TTYH1: variants seen among roughly 807,000 people sequenced by gnomAD.
The protein encoded by TTYH1 is protein tweety homolog 1.
TTYH1 carries 33 observed loss-of-function variants against 61.2 expected under a neutral mutation model. That is an observed-to-expected ratio of 0.54 (90% confidence interval 0.41 to 0.72). The LOEUF (loss-of-function observed/expected upper bound fraction) is 0.72. TTYH1 is among the 30% of genes least tolerant of loss of function. The probability of loss-of-function intolerance (pLI) is 0.00; values close to 1 mark genes in which losing one functional copy is unlikely to be tolerated. For synonymous variants in TTYH1, 308 were observed against 266.4 expected (o/e 1.16, Z -1.52); for missense variants, 538 against 575.8 (o/e 0.93, Z 0.67).
rs1407838261 is a variant in TTYH1 at position 54,436,519 on chromosome 19, G to C, written c.*229G>C. On this transcript the variant is annotated 3_prime_UTR_variant, in exon 14 of 14. Transcript: ENST00000376530. The surrounding 1 kb of genome is among the most constrained non-coding windows in gnomAD (Gnocchi z 4.3). Reference sequence around the variant, plus strand: ...ACTAGGGAGTAGGGCTGGCAGGGGAGGGGGCAGACAGCCTCGCCTCGCACC... The same window carrying C: ...ACTAGGGAGTAGGGCTGGCAGGGGACGGGGCAGACAGCCTCGCCTCGCACC... The C allele has an allele frequency of 2.3e-6, 2 of 853,878 alleles. No individual in the cohort carries two copies. The highest frequency in any genetic ancestry group is 1.7e-5 in the African/African-American group (1 of 60,204). 52.9% of individuals were successfully genotyped at this position (853,878 alleles called of 1,614,324 possible).
intron 10 of TTYH1, chr19:54,435,087 G>A (rs2083514009): frequency 6.0e-6 from 1 of 165,370 alleles, no homozygotes; most frequent in Non-Finnish European, 1.3e-5. Flanking sequence ...TGGGCGCTTG[G>A]TGCAGGGGAG....
In TTYH1 at chr19:54,415,960, C is replaced by T. The variant is rs574258816; in HGVS notation, c.126+282C>T. 2 of 1,155,818 alleles carry T rather than the reference C, an allele frequency of 1.7e-6. No homozygotes were observed. The highest frequency in any genetic ancestry group is 1.6e-5 in the African/African-American group (1 of 64,246). The allele number at this position is 1,155,818 out of a possible 1,614,324, so 71.6% of individuals were successfully genotyped here. A position where few individuals can be genotyped will look rare whatever the true frequency, so the allele number is the denominator to read the frequency against. ...AGAGGAGGGGAGGGGGGCCCGGATTCCCGGGTGTCTGATACCTGCCTGGGA... is the reference window on the plus strand; with the variant it reads ...AGAGGAGGGGAGGGGGGCCCGGATTTCCGGGTGTCTGATACCTGCCTGGGA... On this transcript the variant is annotated intron_variant, in intron 1 of 13. Transcript: ENST00000376530. The surrounding 1 kb of genome is among the most constrained non-coding windows in gnomAD (Gnocchi z 5.2).
intron 4 of TTYH1, 53 bp from the exon 5 acceptor site, chr19:54,426,620 C>T (rs1265458110): frequency 3.0e-5 from 43 of 1,456,944 alleles, no homozygotes; most frequent in East Asian, 1.1e-4. Flanking sequence ...GCTGTTCCGC[C>T]GGGGTGCCTG....
chr19:54,424,143 G>A (rs535099028), intron 4 of TTYH1, among the ~76,000 whole-genome samples: 22 of 151,814 alleles, frequency 1.4e-4, no homozygotes, highest in Non-Finnish European at 2.9e-4. Flanking sequence ...CCTGGGTGAC[G>A]GAGCGAGAAT....
chr19:54,415,736 C>G lies in TTYH1; in HGVS notation c.126+58C>G. 7.0e-7 allele frequency: 1 copy of G among 1,435,544 alleles called. No individual in the cohort carries two copies. The allele number at this position is 1,435,544 out of a possible 1,614,324, so 88.9% of individuals were successfully genotyped here. A position where few individuals can be genotyped will look rare whatever the true frequency, so the allele number is the denominator to read the frequency against. ...GCTGGGGGCCGGAGCTCCTGGGTCC[C>G]GAGGGAGAAGGGGGCTGGGTCACAG... On this transcript the variant is annotated intron_variant, in intron 1 of 13. Transcript: ENST00000376530. The surrounding 1 kb of genome is among the most constrained non-coding windows in gnomAD (Gnocchi z 5.2).
chr19:54,416,355 G>A lies in TTYH1; in HGVS notation c.126+677G>A. The A allele has an allele frequency of 3.9e-6, 1 of 258,248 alleles. No homozygotes were observed. Among genetic ancestry groups the A allele is most frequent in the South Asian group, 3.7e-5 (1 of 26,966 alleles). The allele number at this position is 258,248 out of a possible 1,614,324, so 16.0% of individuals were successfully genotyped here. Reference sequence around the variant, plus strand: ...AGACCCGGGTCCCGAGGGTGGGGCCGGTGTGGGAACCTCACAGAAGCCGGT... The same window carrying A: ...AGACCCGGGTCCCGAGGGTGGGGCCAGTGTGGGAACCTCACAGAAGCCGGT... On this transcript the variant is annotated intron_variant, in intron 1 of 13. Transcript: ENST00000376530. The surrounding 1 kb of genome is among the most constrained non-coding windows in gnomAD (Gnocchi z 7.0).
chr19:54,436,551 C>A lies in TTYH1; in HGVS notation c.*261C>A. The A allele has an allele frequency of 9.0e-6, 6 of 666,378 alleles. No homozygotes were observed. Among genetic ancestry groups the A allele is most frequent in the Non-Finnish European group, 1.6e-5 (6 of 382,034 alleles). The allele number at this position is 666,378 out of a possible 1,614,324, so 41.3% of individuals were successfully genotyped here. ...GACAGCCTCGCCTCGCACCCTTCAT[C>A]CCTGGCTGCCGGTCCCATCCTTGGA... On this transcript the variant is annotated 3_prime_UTR_variant, in exon 14 of 14. Coordinates refer to ENST00000376530, the MANE Select transcript of TTYH1 (RefSeq NM_020659.4). This position sits in a 1 kb window ranked among gnomAD's most constrained non-coding sequence, Gnocchi z 4.3.
Position 54,422,417 on chromosome 19 carries a change from C to T in TTYH1, c.638+7C>T, listed in dbSNP as rs746901572. 5.3e-6 allele frequency: 8 copies of T among 1,518,650 alleles called. No individual in the cohort carries two copies. Among genetic ancestry groups the T allele is most frequent in the Middle Eastern group, 1.7e-4 (1 of 5,804 alleles). The allele number at this position is 1,518,650 out of a possible 1,614,324, so 94.1% of individuals were successfully genotyped here. The stretch of plus-strand genomic sequence containing the variant: ...CCTTTGTGGAGGAGTACAGGTGAGA[C>T]GCTGCTCTTCTTGCTCTCTGTGCCG... On this transcript the variant is annotated splice_region_variant and intron_variant, in intron 4 of 13. Transcript: ENST00000376530.
At chr19:54,422,065 T>A in intron 3 of TTYH1, 125 bp from the exon 4 acceptor site, 2 of 728,142 alleles carry the variant, frequency 2.7e-6, no homozygotes, top group Non-Finnish European at 4.5e-6. Context: ...TCCTCAGATG[T>A]CCCAGACTCC....
At position 54,415,685 on chromosome 19, in the gene TTYH1, C is replaced by A; in HGVS notation, c.126+7C>A. On this transcript the variant is annotated splice_region_variant and intron_variant, in intron 1 of 13. Transcript: ENST00000376530. The surrounding 1 kb of genome is among the most constrained non-coding windows in gnomAD (Gnocchi z 5.2). ...AGAGCAGGAATACCAGCAGGTGGGA[C>A]CGGGCGCCAGGGCCTGGGGGCCAGG... 6.5e-7 allele frequency: 1 copy of A among 1,545,702 alleles called. No homozygotes were observed. Among genetic ancestry groups the A allele is most frequent in the Non-Finnish European group, 8.7e-7 (1 of 1,153,266 alleles).
chr19:54,431,090 G>C lies in TTYH1; in HGVS notation c.1033-9G>C, dbSNP rs759911976. 15 of 1,609,766 alleles carry C rather than the reference G, an allele frequency of 9.3e-6. No individual in the cohort carries two copies. The highest frequency in any genetic ancestry group is 8.0e-5 in the African/African-American group (6 of 74,820). On this transcript the variant is annotated splice_polypyrimidine_tract_variant and intron_variant, in intron 9 of 13. Transcript: ENST00000376530. ...GTTCGTGGGAAAACGACCCCTCCTC[G>C]CCCCGCAGAAGCCTCTGCTGTCCTT...
chr19:54,416,796 G>A lies in TTYH1; in HGVS notation c.126+1118G>A, dbSNP rs909749331. 6 of 1,293,976 alleles carry A rather than the reference G, an allele frequency of 4.6e-6. No individual in the cohort carries two copies. The highest frequency in any genetic ancestry group is 2.3e-5 in the Admixed American group (1 of 43,518). 80.2% of individuals were successfully genotyped at this position (1,293,976 alleles called of 1,614,324 possible). A position where few individuals can be genotyped will look rare whatever the true frequency, so the allele number is the denominator to read the frequency against. On this transcript the variant is annotated intron_variant, in intron 1 of 13. Transcript: ENST00000376530. This position sits in a 1 kb window ranked among gnomAD's most constrained non-coding sequence, Gnocchi z 7.0. ...CCGTCCCCTCGCCCACAGCCTCGCG[G>A]TTACACAACGGCCACCTCCAACAAC...
chr19:54,436,160 C>A lies in TTYH1; in HGVS notation c.*31C>A, dbSNP rs773372765. 3.7e-6 allele frequency: 6 copies of A among 1,613,942 alleles called. No homozygotes were observed. The South Asian group carries it at 6.6e-5, about 18-fold the overall frequency. Reference sequence around the variant, plus strand: ...TCCTCCCGGCTGGACTGGAGCCTGGCTCCCCTCTTCGGTGAGCTTCCAAGG... The same window carrying A: ...TCCTCCCGGCTGGACTGGAGCCTGGATCCCCTCTTCGGTGAGCTTCCAAGG... On this transcript the variant is annotated 3_prime_UTR_variant, in exon 13 of 14. Coordinates refer to ENST00000376530, the MANE Select transcript of TTYH1 (RefSeq NM_020659.4). This position sits in a 1 kb window ranked among gnomAD's most constrained non-coding sequence, Gnocchi z 4.3.
chr19:54,420,143 C>G lies in TTYH1; in HGVS notation c.305+837C>G, dbSNP rs949208886. On this transcript the variant is annotated intron_variant, in intron 2 of 13. Transcript: ENST00000376530. This position sits in a 1 kb window ranked among gnomAD's most constrained non-coding sequence, Gnocchi z 4.8. ...TAGGGGGCTTCCAATGTGAACACACCAGCTACCAAGAACGAGCTCTGAGCA... is the reference window on the plus strand; with the variant it reads ...TAGGGGGCTTCCAATGTGAACACACGAGCTACCAAGAACGAGCTCTGAGCA... Among the ~76,000 whole-genome samples the G allele has an allele frequency of 3.9e-5, 6 of 152,156 alleles. No homozygotes were observed. Among genetic ancestry groups the G allele is most frequent in the Non-Finnish European group, 7.3e-5 (5 of 68,028 alleles).
rs2083225106 is a variant in TTYH1 at position 54,421,880 on chromosome 19, G to C, written c.418-310G>C. On this transcript the variant is annotated intron_variant, in intron 3 of 13. Transcript: ENST00000376530. This position sits in a 1 kb window ranked among gnomAD's most constrained non-coding sequence, Gnocchi z 4.8. ...CATGGGACCCAGACTTGAGACCCCAGATTCTGGAAGGCAGATGAAAACTTC... is the reference window on the plus strand; with the variant it reads ...CATGGGACCCAGACTTGAGACCCCACATTCTGGAAGGCAGATGAAAACTTC... Among the ~76,000 whole-genome samples, 1 of 152,138 alleles carries C rather than the reference G, an allele frequency of 6.6e-6. No individual in the cohort carries two copies. The highest frequency in any genetic ancestry group is 2.4e-5 in the African/African-American group (1 of 41,430).
Position 54,419,092 on chromosome 19 carries a change from G to A in TTYH1, c.127-36G>A. The A allele has an allele frequency of 6.3e-7, 1 of 1,580,288 alleles. No individual in the cohort carries two copies. Among genetic ancestry groups the A allele is most frequent in the Middle Eastern group, 1.7e-4 (1 of 5,876 alleles). On this transcript the variant is annotated intron_variant, in intron 1 of 13. Coordinates refer to ENST00000376530, the MANE Select transcript of TTYH1 (RefSeq NM_020659.4). This position sits in a 1 kb window ranked among gnomAD's most constrained non-coding sequence, Gnocchi z 6.1. ...GGGGATCTGAGTGTGGAACACACGG[G>A]TGCCCTCGGAGGTCTGATGTCACCC...
chr19:54,426,618 G>C (rs918994023), intron 4 of TTYH1, 55 bp from the exon 5 acceptor site: 2 of 1,440,702 alleles, frequency 1.4e-6, no homozygotes, highest in Non-Finnish European at 9.7e-7. Context: ...TTGCTGTTCC[G>C]CCGGGGTGCC....
chr19:54,419,292 C>T lies in TTYH1; in HGVS notation c.291C>T (p.Ala97=). 6.2e-7 allele frequency: 1 copy of T among 1,600,534 alleles called. No homozygotes were observed. The highest frequency in any genetic ancestry group is 8.5e-7 in the Non-Finnish European group (1 of 1,178,560). ...GCGTCACCTGGAGCTGCATTGTCGCCCTTCTCGCCGGCTGGTAATGGGGCC... is the reference window on the plus strand; with the variant it reads ...GCGTCACCTGGAGCTGCATTGTCGCTCTTCTCGCCGGCTGGTAATGGGGCC... ...GGCVTWSCIV[A]LLAGCTGIGI... is the part of the protein sequence containing the mutation. Residue 97 remains alanine, a synonymous_variant, in exon 2 of 14, where the codon GCC becomes GCT. Coordinates refer to ENST00000376530, the MANE Select transcript of TTYH1 (RefSeq NM_020659.4). The surrounding 1 kb of genome is among the most constrained non-coding windows in gnomAD (Gnocchi z 6.1).
At position 54,419,388 on chromosome 19, in the gene TTYH1, G is replaced by A. The variant is rs1056187723; in HGVS notation, c.305+82G>A. ...TGGCCTTCCTGGGGGTGTCCTCCGG[G>A]GACATGGAGGAAGCAGACAGGAAGG... On this transcript the variant is annotated intron_variant, in intron 2 of 13. Transcript: ENST00000376530. This position sits in a 1 kb window ranked among gnomAD's most constrained non-coding sequence, Gnocchi z 6.1. The A allele has an allele frequency of 6.4e-6, 9 of 1,413,052 alleles. No homozygotes were observed. The highest frequency in any genetic ancestry group is 1.4e-5 in the African/African-American group (1 of 71,186). The allele number at this position is 1,413,052 out of a possible 1,614,324, so 87.5% of individuals were successfully genotyped here.
Sources: allele counts gnomAD v4.1 joint callset (sites outside exome capture counted in the v4.1 genomes callset), GRCh38; gene constraint gnomAD v4.1.1; non-coding constraint Gnocchi (gnomAD v3.1); transcripts MANE v1.5; gene names NCBI Gene and HGNC (gene_info 2026-07-23, HGNC 2026-07-21).